Variants in TRA2A observed in about 807,000 individuals in gnomAD.
TRA2A encodes transformer 2 alpha homolog, also known as transformer-2 protein homolog alpha.
Under a neutral mutation model 45.7 loss-of-function variants are expected in TRA2A, and 31 were observed. The observed-to-expected ratio is 0.68, with a 90% CI of 0.51 to 0.92. The LOEUF is 0.92. Among genes scored for constraint, TRA2A ranks in the 40% least tolerant of loss-of-function variants. The probability of loss-of-function intolerance (pLI) is 0.00; values close to 1 mark genes in which losing one functional copy is unlikely to be tolerated. For missense variants in TRA2A, 304 were observed against 367.5 expected (o/e 0.83, Z 1.41); for synonymous variants, 132 against 126.2 (o/e 1.05, Z -0.31).
chr7:23,522,587 CT>C (rs1184894704), intron 1 of TRA2A, among the ~76,000 whole-genome samples: 1 of 149,528 alleles, frequency 6.7e-6, no homozygotes, highest in African/African-American at 2.5e-5. Flanking sequence ...ATTTTATAGT[CT>C]TTAAAATTGT....
intron 4 of TRA2A, among the ~76,000 whole-genome samples, chr7:23,508,471 C>T (rs372651273): frequency 8.4e-4 from 127 of 152,052 alleles, no homozygotes; most frequent in African/African-American, 2.9e-3. Flanking sequence ...GGGGTCTAAA[C>T]AGTATTCCAT....
intron 2 of TRA2A, among the ~76,000 whole-genome samples, chr7:23,516,862 C>T (rs1479474929): frequency 6.6e-6 from 1 of 151,968 alleles, no homozygotes; most frequent in Non-Finnish European, 1.5e-5. Context: ...GTAATCCCAG[C>T]ACTTTGGGAG....
At position 23,505,315 on chromosome 7, in the gene TRA2A, A is replaced by T. The variant is rs532145055; in HGVS notation, c.*244T>A. On this transcript the variant is annotated 3_prime_UTR_variant, in exon 8 of 8. Coordinates refer to ENST00000297071, the MANE Select transcript of TRA2A (RefSeq NM_013293.5). ...AAAAAAATTTACAAAGCATAACATA[A>T]CATTGGGGTTCTTTTTATACTCAAG... 4 of 398,798 alleles carry T rather than the reference A, an allele frequency of 1.0e-5. No individual in the cohort carries two copies. The highest frequency in any genetic ancestry group is 8.3e-5 in the African/African-American group (4 of 48,438). The allele number at this position is 398,798 out of a possible 1,614,324, so 24.7% of individuals were successfully genotyped here. A position where few individuals can be genotyped will look rare whatever the true frequency, so the allele number is the denominator to read the frequency against.
chr7:23,517,867 G>A (rs1297326833), intron 2 of TRA2A, among the ~76,000 whole-genome samples: 4 of 151,940 alleles, frequency 2.6e-5, no homozygotes, highest in African/African-American at 9.7e-5. Context: ...AGCTGAGATC[G>A]TGCCACTGCA....
At chr7:23,510,064 A>G (rs1280649210) in intron 4 of TRA2A, among the ~76,000 whole-genome samples, 1 of 152,070 alleles carries the variant, frequency 6.6e-6, no homozygotes, top group Non-Finnish European at 1.5e-5. Context: ...AACAAACAAC[A>G]AAAAAAGAAA....
At chr7:23,522,121 A>T in intron 1 of TRA2A, 1 of 1,263,870 alleles carries the variant, frequency 7.9e-7, no homozygotes. Context: ...TAAACCATAC[A>T]TTTACTTAAC....
At position 23,512,659 on chromosome 7, in the gene TRA2A, C is replaced by T. The variant is rs575537202; in HGVS notation, c.525+235G>A. Reference sequence around the variant, plus strand: ...ATTTTTAGTAGAGACGGGGTTTCACCGTGTTAGCCAGGATAGTCTCGATCT... The same window carrying T: ...ATTTTTAGTAGAGACGGGGTTTCACTGTGTTAGCCAGGATAGTCTCGATCT... On this transcript the variant is annotated intron_variant, in intron 4 of 7. Transcript: ENST00000297071. 2.8e-3 allele frequency among the ~76,000 whole-genome samples: 424 copies of T among 151,868 alleles called. 4 individuals carry two copies. The highest frequency in any genetic ancestry group is 0.01 in the Middle Eastern group (3 of 294).
intron 1 of TRA2A, among the ~76,000 whole-genome samples, chr7:23,530,393 A>C (rs1015678815): frequency 2.0e-5 from 3 of 152,230 alleles, no homozygotes; most frequent in African/African-American, 7.2e-5. Context: ...ACTAAAGCCT[A>C]AACTGACCTT....
chr7:23,509,920 G>A (rs1023663697), intron 4 of TRA2A, among the ~76,000 whole-genome samples: 4 of 152,096 alleles, frequency 2.6e-5, no homozygotes, highest in African/African-American at 9.7e-5. Context: ...CAGCTACTCG[G>A]GAGGCTAAGG....
At chr7:23,510,616 A>G (rs1430784347) in intron 4 of TRA2A, among the ~76,000 whole-genome samples, 3 of 152,188 alleles carry the variant, frequency 2.0e-5, no homozygotes, top group Non-Finnish European at 2.9e-5. Context: ...GGTGCGAGCC[A>G]CTGTGCCCGG....
intron 3 of TRA2A, among the ~76,000 whole-genome samples, chr7:23,513,394 G>A (rs535988092): frequency 2.0e-5 from 3 of 152,246 alleles, no homozygotes; most frequent in African/African-American, 7.2e-5. Flanking sequence ...GAGGTGGGTG[G>A]ATCACCTGAG....
intron 1 of TRA2A, among the ~76,000 whole-genome samples, chr7:23,523,929 T>C (rs1239711760): frequency 6.6e-6 from 1 of 152,216 alleles, no homozygotes; most frequent in Non-Finnish European, 1.5e-5. Flanking sequence ...TGACATAACA[T>C]TCATTTATGC....
chr7:23,505,881 TTCC>T, intron 6 of TRA2A, 68 bp from the exon 7 acceptor site: 3 of 975,776 alleles, frequency 3.1e-6, no homozygotes, highest in Non-Finnish European at 4.5e-6. Context: ...AAAATAAAAA[TTCC>T]TCATCATTCA....
chr7:23,518,390 G>C (rs960060914), intron 2 of TRA2A, among the ~76,000 whole-genome samples: 9 of 152,118 alleles, frequency 5.9e-5, no homozygotes, highest in African/African-American at 2.2e-4. Context: ...CACCCAGGCT[G>C]GAGTGCAATG....
chr7:23,512,807 G>T (rs1584117464), intron 4 of TRA2A, 87 bp downstream of exon 4: 1 of 1,041,692 alleles, frequency 9.6e-7, no homozygotes, highest in Non-Finnish European at 1.3e-6. Flanking sequence ...GAAGAAAAAA[G>T]GATGCAATGT....
At chr7:23,516,805 C>T (rs1210543130) in intron 2 of TRA2A, among the ~76,000 whole-genome samples, 3 of 152,084 alleles carry the variant, frequency 2.0e-5, no homozygotes, top group Non-Finnish European at 4.4e-5. Context: ...CAAAAACCCA[C>T]TATTGCTATA....
At chr7:23,517,773 G>T (rs1242308023) in intron 2 of TRA2A, among the ~76,000 whole-genome samples, 1 of 150,776 alleles carries the variant, frequency 6.6e-6, no homozygotes, top group African/African-American at 2.4e-5. Flanking sequence ...TTAGCTGGGC[G>T]TGGTGGCGCA....
At chr7:23,513,708 G>T (rs1056171717) in intron 3 of TRA2A, among the ~76,000 whole-genome samples, 12 of 151,758 alleles carry the variant, frequency 7.9e-5, no homozygotes, top group Admixed American at 4.6e-4. Context: ...ACGCTTGTCA[G>T]CAGTTTTGTC....
chr7:23,508,261 A>G (rs1789432186), intron 4 of TRA2A, among the ~76,000 whole-genome samples: 1 of 144,814 alleles, frequency 6.9e-6, no homozygotes, highest in East Asian at 2.0e-4. Flanking sequence ...AGTGTCCCAT[A>G]AACTAAAGGT....
Sources: allele counts gnomAD v4.1 joint callset (sites outside exome capture counted in the v4.1 genomes callset), GRCh38; gene constraint gnomAD v4.1.1; transcripts MANE v1.5; gene names NCBI Gene and HGNC (gene_info 2026-07-23, HGNC 2026-07-21).